Variants in HDAC4 observed in about 807,000 individuals in gnomAD.
HDAC4 encodes the protein histone deacetylase 4.
Under a neutral mutation model 135.1 loss-of-function variants are expected in HDAC4, and 16 were observed. The observed-to-expected ratio is 0.12, with a 90% CI of 0.08 to 0.18. The LOEUF (loss-of-function observed/expected upper bound fraction) is 0.18, where lower values mean the gene tolerates loss of function less well. Among genes scored for constraint, HDAC4 ranks in the 10% least tolerant of loss-of-function variants. HDAC4 has a pLI of 1.00. For synonymous variants in HDAC4, 685 were observed against 653.4 expected (o/e 1.05, Z -0.74); for missense variants, 1,143 against 1,511.8 (o/e 0.76, Z 4.05).
intron 9 of HDAC4, among the ~76,000 whole-genome samples, chr2:239,135,887 A>G (rs975506944): frequency 3.3e-5 from 5 of 152,232 alleles, no homozygotes; most frequent in South Asian, 4.1e-4. Context: ...TAGATCATGT[A>G]CCTTTTAAAG....
At position 239,053,613 on chromosome 2, in the gene HDAC4, G is replaced by A; in HGVS notation, c.3089-12C>T. The A allele has an allele frequency of 1.2e-6, 2 of 1,612,816 alleles. No homozygotes were observed. Among genetic ancestry groups the A allele is most frequent in the Non-Finnish European group, 1.7e-6 (2 of 1,179,686 alleles). ...GCGCCAGTACTTGCCTGGGGTGGTGGGGTGAGGAAAGTCGCTCAGTGACTA... is the reference window on the plus strand; with the variant it reads ...GCGCCAGTACTTGCCTGGGGTGGTGAGGTGAGGAAAGTCGCTCAGTGACTA... On this transcript the variant is annotated splice_polypyrimidine_tract_variant and intron_variant, in intron 25 of 26. Transcript: ENST00000543185.
chr2:239,096,928 G>A (rs1184881329), intron 16 of HDAC4, among the ~76,000 whole-genome samples: 1 of 152,168 alleles, frequency 6.6e-6, no homozygotes, highest in Non-Finnish European at 1.5e-5. Context: ...GAGCTGCCAT[G>A]CCAACAGGGA....
intron 16 of HDAC4, among the ~76,000 whole-genome samples, chr2:239,097,703 C>T (rs903320837): frequency 2.0e-5 from 3 of 152,128 alleles, no homozygotes; most frequent in Non-Finnish European, 2.9e-5. Context: ...GCAGGTGGAA[C>T]GAGACTGAAA....
chr2:239,191,906 T>G (rs907695072), intron 3 of HDAC4, among the ~76,000 whole-genome samples: 1 of 152,214 alleles, frequency 6.6e-6, no homozygotes, highest in African/African-American at 2.4e-5. Context: ...TCTGAATATA[T>G]CTGATCACAT....
chr2:239,144,805 T>G (rs1282524574), intron 7 of HDAC4, 91 bp from the exon 8 acceptor site: 2 of 1,342,338 alleles, frequency 1.5e-6, no homozygotes, highest in Non-Finnish European at 2.1e-6. Context: ...CGCACTCTGG[T>G]GAGTAAATAT....
rs796674273 is a variant in HDAC4 at position 239,078,444 on chromosome 2, A to G, written c.2750+2651T>C. 5.4e-4 allele frequency among the ~76,000 whole-genome samples: 82 copies of G among 152,294 alleles called. 1 individual carries two copies. The highest frequency in any genetic ancestry group is 1.9e-3 in the African/African-American group (79 of 41,564). ...GGGAGAAGAGCAGAAGAAAGGGGAA[A>G]ACCAATTTCTGACCCTTCTTCCCCA... On this transcript the variant is annotated intron_variant, in intron 22 of 26. Transcript: ENST00000543185.
At chr2:239,383,569 A>T (rs1335843309) in intron 1 of HDAC4, among the ~76,000 whole-genome samples, 1 of 151,928 alleles carries the variant, frequency 6.6e-6, no homozygotes, top group Non-Finnish European at 1.5e-5. Flanking sequence ...ACAATGAAGC[A>T]ACAAGGAAGC....
In HDAC4 at chr2:239,308,202, C is replaced by T. The variant is rs1252628005; in HGVS notation, c.22+44476G>A. ...TCAGCGTGCAGGAAGCCCTCCTTGA[C>T]GATGAGCTATCAGCTTAGGGACAAG... On this transcript the variant is annotated intron_variant, in intron 2 of 26. Transcript: ENST00000543185. The surrounding 1 kb of genome is among the most constrained non-coding windows in gnomAD (Gnocchi z 4.2). Among the ~76,000 whole-genome samples the T allele has an allele frequency of 6.6e-6, 1 of 152,110 alleles. No homozygotes were observed. The highest frequency in any genetic ancestry group is 1.5e-5 in the Non-Finnish European group (1 of 68,004).
At chr2:239,147,222 C>T (rs567501222) in intron 7 of HDAC4, among the ~76,000 whole-genome samples, 195 of 152,284 alleles carry the variant, frequency 1.3e-3, no homozygotes, top group African/African-American at 4.4e-3. Flanking sequence ...CAGAGAAGCC[C>T]TAGGGGGCAG....
intron 17 of HDAC4, 37 bp from the exon 18 acceptor site, chr2:239,090,153 C>T (rs759086999): frequency 1.6e-4 from 227 of 1,460,832 alleles, no homozygotes; most frequent in Non-Finnish European, 2.1e-4. Flanking sequence ...GTCACCCTCC[C>T]AGGCCACCGT....
rs1347661035 is a variant in HDAC4 at position 239,256,937 on chromosome 2, G to T, written c.23-20273C>A. Reference sequence around the variant, plus strand: ...ATCCACTAGACCAAGAATCCACGTGGGATAGCCTAAGAAGACAGAAGAACC... The same window carrying T: ...ATCCACTAGACCAAGAATCCACGTGTGATAGCCTAAGAAGACAGAAGAACC... On this transcript the variant is annotated intron_variant, in intron 2 of 26. Coordinates refer to ENST00000543185, the MANE Select transcript of HDAC4 (RefSeq NM_001378414.1). Among the ~76,000 whole-genome samples the T allele has an allele frequency of 2.0e-5, 3 of 152,128 alleles. No individual in the cohort carries two copies. The East Asian group carries it at 5.8e-4, about 29-fold the overall frequency.
chr2:239,298,263 A>G, intron 2 of HDAC4: 1 of 1,284,700 alleles, frequency 7.8e-7, no homozygotes, highest in Admixed American at 2.3e-5. Flanking sequence ...TTGACGACAG[A>G]CTGGGCTGGT....
chr2:239,128,548 A>G (rs1002237608), intron 11 of HDAC4, among the ~76,000 whole-genome samples: 1 of 152,184 alleles, frequency 6.6e-6, no homozygotes, highest in Non-Finnish European at 1.5e-5. Context: ...AAAAAAAAGA[A>G]GGCATTTCAG....
intron 1 of HDAC4, among the ~76,000 whole-genome samples, chr2:239,366,787 A>AATAAGTGATCAGCCCCCAGG (rs1559387516): frequency 1.3e-5 from 2 of 149,726 alleles, no homozygotes; most frequent in African/African-American, 5.1e-5. Context: ...GATGGCTGCA[A>AATAAGTGATCAGCCCCCAGG]CCCCACGAAG....
intron 5 of HDAC4, among the ~76,000 whole-genome samples, chr2:239,165,008 A>G (rs1013537818): frequency 5.3e-5 from 8 of 152,166 alleles, no homozygotes; most frequent in African/African-American, 1.9e-4. Flanking sequence ...AGACTGCCTG[A>G]CCCCAGGGGT....
intron 3 of HDAC4, among the ~76,000 whole-genome samples, chr2:239,202,351 C>T (rs922232347): frequency 6.6e-6 from 1 of 152,200 alleles, no homozygotes; most frequent in African/African-American, 2.4e-5. Flanking sequence ...TCCAAATTTC[C>T]AGTGTGGACT....
At chr2:239,346,270 C>T (rs1028815718) in intron 2 of HDAC4, among the ~76,000 whole-genome samples, 2 of 148,506 alleles carry the variant, frequency 1.3e-5, no homozygotes, top group African/African-American at 5.0e-5. Context: ...ACACCCACAC[C>T]CTAACACACA....
chr2:239,066,685 T>G (rs1307421893), intron 24 of HDAC4, 37 bp downstream of exon 24: 1 of 1,612,610 alleles, frequency 6.2e-7, no homozygotes, highest in Non-Finnish European at 8.5e-7. Flanking sequence ...AGCCTGTCAG[T>G]GTGGAGCATC....
intron 16 of HDAC4, among the ~76,000 whole-genome samples, chr2:239,097,346 C>A (rs1280835760): frequency 6.6e-6 from 1 of 152,250 alleles, no homozygotes; most frequent in African/African-American, 2.4e-5. Context: ...GGCAGCAGCA[C>A]CAGCATGCCT....
Sources: allele counts gnomAD v4.1 joint callset (sites outside exome capture counted in the v4.1 genomes callset), GRCh38; gene constraint gnomAD v4.1.1; non-coding constraint Gnocchi (gnomAD v3.1); transcripts MANE v1.5; gene names NCBI Gene and HGNC (gene_info 2026-07-23, HGNC 2026-07-21).